Variants in CAPN8 observed in about 807,000 individuals in gnomAD.
CAPN8 encodes the protein calpain 8.
A neutral mutation model predicts 80.9 loss-of-function variants in CAPN8; 87 were observed. That is an observed-to-expected ratio of 1.07 (90% CI 0.90 to 1.28). The LOEUF is 1.28. Ranked by LOEUF, CAPN8 falls within the 50% of genes most tolerant of loss-of-function variation. The pLI is 0.00. For missense variants in CAPN8, 757 were observed against 702.0 expected (o/e 1.08, Z -0.89); for synonymous variants, 299 against 273.8 (o/e 1.09, Z -0.91).
chr1:223,615,163 T>C (rs1216150405), intron 10 of CAPN8, among the ~76,000 whole-genome samples: 2 of 152,226 alleles, frequency 1.3e-5, no homozygotes, highest in African/African-American at 2.4e-5. Flanking sequence ...TACTGAGATA[T>C]TGGGCCTCCA....
Position 223,643,318 on chromosome 1 carries a change from C to T in CAPN8, c.307+11012G>A, listed in dbSNP as rs76446018. Among the ~76,000 whole-genome samples the T allele has an allele frequency of 6.4e-3, 979 of 152,250 alleles. 7 individuals carry two copies. The highest frequency in any genetic ancestry group is 0.017 in the Middle Eastern group (5 of 294). On this transcript the variant is annotated intron_variant, in intron 2 of 20. Transcript: ENST00000366872. ...GCAGTTCCAACTCCGGGCTAGGTAT[C>T]CTGAGGTTTCCAAATATACATAGAT...
intron 15 of CAPN8, among the ~76,000 whole-genome samples, chr1:223,550,753 C>T (rs982643368): frequency 6.6e-6 from 1 of 152,112 alleles, no homozygotes; most frequent in Admixed American, 6.5e-5. Context: ...GCACCAGCCC[C>T]GCCTTCACCT....
At chr1:223,642,009 T>C (rs1032447567) in intron 2 of CAPN8, among the ~76,000 whole-genome samples, 5 of 152,104 alleles carry the variant, frequency 3.3e-5, no homozygotes, top group Non-Finnish European at 7.4e-5. Flanking sequence ...CTACTGTACT[T>C]GTAAATTAAG....
chr1:223,652,120 A>T (rs1203538560), intron 2 of CAPN8, among the ~76,000 whole-genome samples: 1 of 151,990 alleles, frequency 6.6e-6, no homozygotes, highest in Non-Finnish European at 1.5e-5. Context: ...CATTATACAA[A>T]TCAACTGTTT....
intron 2 of CAPN8, chr1:223,642,646 C>CAGA (rs1558352848): frequency 8.0e-6 from 3 of 376,800 alleles, no homozygotes; most frequent in African/African-American, 6.4e-5. Context: ...GAAAGGCTGA[C>CAGA]GGGTCATCTT....
chr1:223,628,850 G>A, intron 2 of CAPN8, 70 bp from the exon 3 acceptor site: 1 of 1,259,622 alleles, frequency 7.9e-7, no homozygotes, highest in Non-Finnish European at 1.1e-6. Flanking sequence ...CTCTGACCCT[G>A]TCCCATTCAA....
At position 223,625,454 on chromosome 1, in the gene CAPN8, GA is replaced by G. The variant is rs896811669; in HGVS notation, c.813+350del. 1.5e-3 allele frequency among the ~76,000 whole-genome samples: 223 copies of G among 151,882 alleles called. 1 individual carries two copies. The highest frequency in any genetic ancestry group is 5.6e-3 in the Admixed American group (85 of 15,270). ...ACCTTCTTTTATTTTTTTTGTTTTA[GA>G]AAAAAAATTTTTAATTTTTTCGTAG... On this transcript the variant is annotated intron_variant, in intron 6 of 20. Transcript: ENST00000366872.
At chr1:223,638,043 C>T (rs996575611) in intron 2 of CAPN8, among the ~76,000 whole-genome samples, 1 of 151,918 alleles carries the variant, frequency 6.6e-6, no homozygotes, top group Non-Finnish European at 1.5e-5. Flanking sequence ...CCATGGGTAC[C>T]ATATCCATGG....
Position 223,550,748 on chromosome 1 carries a change from A to G in CAPN8, c.1699+212T>C, listed in dbSNP as rs182999659. Among the ~76,000 whole-genome samples the G allele has an allele frequency of 9.6e-3, 1,463 of 152,194 alleles. 90 individuals carry two copies. In the East Asian group the frequency reaches 0.15, roughly 16 times the overall value. On this transcript the variant is annotated intron_variant, in intron 15 of 20. Transcript: ENST00000366872. ...CAGGTGCTGGCTGCTTGCCAGCACC[A>G]GCCCCGCCTTCACCTCCACCCTCGC...
chr1:223,665,610 C>T lies in CAPN8; in HGVS notation c.37G>A (p.Ala13Thr). ...AQAAGVSRQRAATQGLGSNQN... is the reference protein window; with the variant it reads ...AQAAGVSRQRTATQGLGSNQN... ...TTGGAGCCAAGACCTTGAGTGGCTG[C>T]CCGCTGCCTAGATACACCAGCTGCC... is the stretch of plus-strand genomic sequence containing the variant. The change falls in exon 1 of 21, where the codon GCA becomes ACA. Residue 13 changes from alanine to threonine, a missense_variant. Coordinates refer to ENST00000366872, the MANE Select transcript of CAPN8 (RefSeq NM_001143962.2). The T allele has an allele frequency of 1.3e-6, 2 of 1,551,574 alleles. No individual in the cohort carries two copies. Among genetic ancestry groups the T allele is most frequent in the Non-Finnish European group, 1.7e-6 (2 of 1,146,992 alleles).
rs538089605 is a variant in CAPN8 at position 223,547,788 on chromosome 1, G to A, written c.1764+1530C>T. ...ACACAAATACCATTGGGAATAAAGA[G>A]TGGGTAGATTACAAGGCAACTCTCA... On this transcript the variant is annotated intron_variant, in intron 16 of 20. Coordinates refer to ENST00000366872, the MANE Select transcript of CAPN8 (RefSeq NM_001143962.2). Among the ~76,000 whole-genome samples the A allele has an allele frequency of 2.3e-4, 35 of 152,332 alleles. No individual in the cohort carries two copies. In the South Asian group the frequency reaches 4.8e-3, roughly 21 times the overall value.
chr1:223,649,710 G>C (rs1330483378), intron 2 of CAPN8, among the ~76,000 whole-genome samples: 2 of 152,164 alleles, frequency 1.3e-5, no homozygotes, highest in African/African-American at 2.4e-5. Flanking sequence ...ATACAAAAAG[G>C]CTTGGATTTA....
intron 9 of CAPN8, chr1:223,617,886 G>A (rs745390933): frequency 5.0e-5 from 10 of 198,458 alleles, no homozygotes; most frequent in Non-Finnish European, 9.3e-5. Flanking sequence ...ACAAGGGCAG[G>A]ATGTGGACCC....
Position 223,616,010 on chromosome 1 carries a change from A to C in CAPN8, c.1271T>G (p.Ile424Arg). Residue 424 changes from isoleucine to arginine, a missense_variant, in exon 10 of 21, where the codon ATA (isoleucine) becomes AGA (arginine). Ile to Arg is a moderately conservative substitution (Grantham distance 97, BLOSUM62 -3). Coordinates refer to ENST00000366872, the MANE Select transcript of CAPN8 (RefSeq NM_001143962.2). Reference protein sequence around the residue: ...MQKNRRWRKRIGQGMLSIGYA... With the variant: ...MQKNRRWRKRRGQGMLSIGYA... ...GCCGATGCTAAGCATGCCTTGTCCT[A>C]TCCGCTTCCGCCACCTGCGATTTTT... 6.4e-7 allele frequency: 1 copy of C among 1,552,314 alleles called. No homozygotes were observed. The highest frequency in any genetic ancestry group is 8.7e-7 in the Non-Finnish European group (1 of 1,147,124).
chr1:223,544,236 C>A, intron 18 of CAPN8, 53 bp from the exon 19 acceptor site: 2 of 707,596 alleles, frequency 2.8e-6, no homozygotes, highest in South Asian at 3.0e-5. Flanking sequence ...TCAGCACTGT[C>A]TCCCATAAAC....
chr1:223,645,206 C>T (rs1313769251), intron 2 of CAPN8, among the ~76,000 whole-genome samples: 3 of 152,084 alleles, frequency 2.0e-5, no homozygotes, highest in Non-Finnish European at 2.9e-5. Context: ...AGATGAAGGC[C>T]GGAAGACTCG....
chr1:223,663,502 T>G (rs1658705001), intron 1 of CAPN8, among the ~76,000 whole-genome samples: 1 of 152,168 alleles, frequency 6.6e-6, no homozygotes, highest in Non-Finnish European at 1.5e-5. Flanking sequence ...TATTCACACC[T>G]GTGTCTCCCC....
At chr1:223,657,077 C>T (rs1658514817) in intron 1 of CAPN8, among the ~76,000 whole-genome samples, 1 of 152,150 alleles carries the variant, frequency 6.6e-6, no homozygotes, top group African/African-American at 2.4e-5. Context: ...AGTTATTTAG[C>T]TCGTTTATTT....
intron 18 of CAPN8, 159 bp from the exon 19 acceptor site, chr1:223,544,342 G>A (rs1244726839): frequency 1.6e-6 from 1 of 607,058 alleles, no homozygotes; most frequent in Non-Finnish European, 2.9e-6. Context: ...CCCAGAAGGT[G>A]TCCTGCCATC....
Sources: gnomAD v4.1 joint callset for allele counts (sites outside exome capture counted in the v4.1 genomes callset) on GRCh38, gnomAD v4.1.1 for gene constraint, MANE v1.5 for transcripts, NCBI Gene and HGNC (gene_info 2026-07-23, HGNC 2026-07-21) for gene names.